The following NPM2 variants were observed in gnomAD, a reference collection of about 807,000 sequenced individuals.
The protein encoded by NPM2 is nucleoplasmin-2.
NPM2 carries 25 observed loss-of-function variants against 32.0 expected under a neutral mutation model. The ratio of observed to expected loss-of-function variants is 0.78; its 90% confidence interval spans 0.57 to 1.09. The LOEUF (loss-of-function observed/expected upper bound fraction) is 1.09, where lower values mean the gene tolerates loss of function less well. Ranked by LOEUF, NPM2 falls within the 50% of genes least tolerant of loss-of-function variation. The probability of loss-of-function intolerance (pLI) is 0.00; values close to 1 mark genes in which losing one functional copy is unlikely to be tolerated. For missense variants in NPM2, 282 were observed against 259.9 expected (o/e 1.08, Z -0.58); for synonymous variants, 111 against 94.2 (o/e 1.18, Z -1.04).
Position 22,033,222 on chromosome 8 carries a change from TG to T in NPM2, c.364+1del. On this transcript the variant is annotated frameshift_variant and splice_region_variant, in exon 6 of 10. Coordinates refer to ENST00000518119, the MANE Select transcript of NPM2 (RefSeq NM_001286680.2). LOFTEE classifies it high-confidence loss of function. ...TGTTCCTCAGTGGCCAGGAACGTTA[TG>T]GTAAGTCAGAGCCTGCGATCAGGAA... The part of the protein sequence containing the change: ...PVFLSGQERY[E>X]ASDLTWEEEE... 6.2e-7 allele frequency: 1 copy of T among 1,613,556 alleles called. No individual in the cohort carries two copies. Among genetic ancestry groups the T allele is most frequent in the Non-Finnish European group, 8.5e-7 (1 of 1,179,532 alleles).
At chr8:22,026,579 G>C (rs531270882) in intron 5 of NPM2, among the ~76,000 whole-genome samples, 1 of 150,646 alleles carries the variant, frequency 6.6e-6, no homozygotes, top group South Asian at 2.1e-4. Flanking sequence ...CTCAGCCTTC[G>C]GAGTAGCTGG....
At chr8:22,034,409 T>C in intron 7 of NPM2, 101 bp from the exon 8 acceptor site, 1 of 1,375,020 alleles carries the variant, frequency 7.3e-7, no homozygotes, top group Non-Finnish European at 1.0e-6. Context: ...CCTCAGCTAG[T>C]TCTGGCCAGG....
intron 6 of NPM2, 34 bp from the exon 7 acceptor site, chr8:22,034,075 C>T (rs371278065): frequency 2.6e-5 from 40 of 1,556,258 alleles, no homozygotes; most frequent in Admixed American, 1.1e-4. Flanking sequence ...AGCTCTGAAG[C>T]TGTGCCCCTG....
intron 8 of NPM2, 118 bp downstream of exon 8, chr8:22,034,662 C>CGAGTGCAGGTAG: frequency 2.6e-6 from 2 of 781,812 alleles, no homozygotes; most frequent in Non-Finnish European, 4.2e-6. Context: ...TGTCTACCTG[C>CGAGTGCAGGTAG]ACTCGCAGGC....
At chr8:22,027,092 G>T (rs955227860) in intron 5 of NPM2, among the ~76,000 whole-genome samples, 1 of 152,152 alleles carries the variant, frequency 6.6e-6, no homozygotes, top group Non-Finnish European at 1.5e-5. Flanking sequence ...TACTGGTCAT[G>T]TTACAAATTC....
In NPM2 at chr8:22,025,885, A is replaced by C. The variant is rs1800233819; in HGVS notation, c.270+113A>C. On this transcript the variant is annotated intron_variant, in intron 5 of 9. Coordinates refer to ENST00000518119, the MANE Select transcript of NPM2 (RefSeq NM_001286680.2). ...CCTACAGAAATGAGCCATGCTAGGGAGGTAGCACAGCCCATGCAGAAAGCC... is the reference window on the plus strand; with the variant it reads ...CCTACAGAAATGAGCCATGCTAGGGCGGTAGCACAGCCCATGCAGAAAGCC... 4.1e-6 allele frequency: 6 copies of C among 1,458,304 alleles called. No individual in the cohort carries two copies. In the South Asian group the frequency reaches 7.4e-5, roughly 18 times the overall value. 90.3% of individuals were successfully genotyped at this position (1,458,304 alleles called of 1,614,324 possible).
Position 22,034,540 on chromosome 8 carries a change from A to G in NPM2, c.562A>G (p.Ile188Val). 1.2e-6 allele frequency: 2 copies of G among 1,610,306 alleles called. No homozygotes were observed. The highest frequency in any genetic ancestry group is 1.7e-6 in the Non-Finnish European group (2 of 1,176,760). The stretch of plus-strand genomic sequence containing the variant: ...AAAGCTGGAAAAAGAAGAAGAGGAA[A>G]TAAGGTAACTCTTTCTACCTATTAA... ...KKKLEKEEEEIRASVRDKSPV... is the reference protein window; with the variant it reads ...KKKLEKEEEEVRASVRDKSPV... The change falls in exon 8 of 10, where the codon ATA (isoleucine) becomes GTA (valine). Residue 188 changes from isoleucine to valine, a missense_variant. Physicochemically the swap from Ile to Val is conservative, Grantham distance 29. Transcript: ENST00000518119.
chr8:22,030,803 C>T (rs568397521), intron 5 of NPM2, among the ~76,000 whole-genome samples: 1 of 152,108 alleles, frequency 6.6e-6, no homozygotes, highest in African/African-American at 2.4e-5. Flanking sequence ...CCTCAGCCCC[C>T]CCGAGTAGCC....
chr8:22,034,400 C>A (rs978614091), intron 7 of NPM2, 110 bp from the exon 8 acceptor site: 1 of 1,366,136 alleles, frequency 7.3e-7, no homozygotes, highest in Non-Finnish European at 1.0e-6. Flanking sequence ...CCAAGGCCAC[C>A]TCAGCTAGTT....
chr8:22,029,780 G>T (rs1397923095), intron 5 of NPM2, among the ~76,000 whole-genome samples: 2 of 152,214 alleles, frequency 1.3e-5, no homozygotes, highest in Non-Finnish European at 2.9e-5. Context: ...CTTCAGCTTT[G>T]AAGCTGTTCT....
rs1429069091 is a variant in NPM2 at position 22,029,755 on chromosome 8, T to C, written c.271-3375T>C. Among the ~76,000 whole-genome samples the C allele has an allele frequency of 2.6e-5, 4 of 152,258 alleles. No individual in the cohort carries two copies. The East Asian group carries it at 7.7e-4, about 29-fold the overall frequency. ...GATGGTTTGGCTGTGTATATAATTC[T>C]AGATAGAGAGTTTCCTTCAGCTTTG... On this transcript the variant is annotated intron_variant, in intron 5 of 9. Coordinates refer to ENST00000518119, the MANE Select transcript of NPM2 (RefSeq NM_001286680.2).
intron 5 of NPM2, among the ~76,000 whole-genome samples, chr8:22,028,442 C>T: frequency 7.0e-6 from 1 of 142,100 alleles, no homozygotes; most frequent in Non-Finnish European, 1.5e-5. Flanking sequence ...CCTCCACCTC[C>T]TTAGTAGCCG....
intron 5 of NPM2, among the ~76,000 whole-genome samples, chr8:22,031,052 G>A (rs756924270): frequency 1.6e-4 from 24 of 152,092 alleles, no homozygotes; most frequent in South Asian, 8.3e-4. Context: ...GAGTGGTTTC[G>A]TGTTTGCTTC....
intron 5 of NPM2, among the ~76,000 whole-genome samples, chr8:22,026,667 C>G (rs1800266845): frequency 1.3e-5 from 2 of 152,102 alleles, no homozygotes; most frequent in Non-Finnish European, 2.9e-5. Context: ...GTTGCCCAGG[C>G]TAGTCTCGAA....
intron 5 of NPM2, among the ~76,000 whole-genome samples, chr8:22,027,432 G>A (rs1585510171): frequency 1.3e-5 from 2 of 152,104 alleles, no homozygotes; most frequent in South Asian, 2.1e-4. Context: ...CCTCTCTTGA[G>A]CTCCAAGTCC....
intron 8 of NPM2, among the ~76,000 whole-genome samples, chr8:22,035,720 G>A (rs1314260043): frequency 6.6e-6 from 1 of 152,176 alleles, no homozygotes; most frequent in Admixed American, 6.5e-5. Context: ...GATCACTTGA[G>A]GTCAGGAGTT....
chr8:22,034,274 A>C lies in NPM2; in HGVS notation c.530A>C (p.Lys177Thr), dbSNP rs776962240. 1.3e-6 allele frequency: 2 copies of C among 1,584,568 alleles called. No homozygotes were observed. The highest frequency in any genetic ancestry group is 2.3e-5 in the South Asian group (2 of 85,116). ...CCCCAGAAGCAGGCGAGCGTGGCTA[A>C]GGTGGGGGAAGGAGCGTGGCTGTTT... ...LVPQKQASVA[K>T]KKKLEKEEEE... The change falls in exon 7 of 10, where the codon AAG becomes ACG. Residue 177 changes from lysine to threonine, a missense_variant and splice_region_variant. Lys to Thr is a moderately conservative substitution (Grantham distance 78, BLOSUM62 -1). Coordinates refer to ENST00000518119, the MANE Select transcript of NPM2 (RefSeq NM_001286680.2).
chr8:22,034,390 C>T (rs920980846), intron 7 of NPM2, 115 bp downstream of exon 7: 2 of 1,367,302 alleles, frequency 1.5e-6, no homozygotes, highest in Middle Eastern at 1.9e-4. Context: ...ACAGGATGGG[C>T]CAAGGCCACC....
intron 5 of NPM2, among the ~76,000 whole-genome samples, chr8:22,027,793 G>A (rs565500591): frequency 2.6e-5 from 4 of 152,250 alleles, no homozygotes; most frequent in South Asian, 4.1e-4. Flanking sequence ...TTTTAGTAGA[G>A]ATGGGTTTTT....
Sources: gnomAD v4.1 joint callset for allele counts (sites outside exome capture counted in the v4.1 genomes callset) on GRCh38, gnomAD v4.1.1 for gene constraint, MANE v1.5 for transcripts, NCBI Gene and HGNC (gene_info 2026-07-23, HGNC 2026-07-21) for gene names.